Variants in FSTL4 observed in about 807,000 individuals in gnomAD.
FSTL4 encodes follistatin like 4.
FSTL4 carries 28 observed loss-of-function variants against 78.2 expected under a neutral mutation model. The observed-to-expected ratio is 0.36, with a 90% confidence interval of 0.27 to 0.49. FSTL4 has a LOEUF of 0.49. FSTL4 is among the 20% of genes least tolerant of loss of function. The pLI is 0.98. For missense variants in FSTL4, 922 were observed against 1,084.9 expected (o/e 0.85, Z 2.11); for synonymous variants, 422 against 440.5 (o/e 0.96, Z 0.53).
intron 4 of FSTL4, among the ~76,000 whole-genome samples, chr5:133,358,692 C>T (rs924585659): frequency 2.6e-5 from 4 of 151,358 alleles, no homozygotes; most frequent in Non-Finnish European, 4.4e-5. Flanking sequence ...CTCTGCCTCC[C>T]GGATTCAAGC....
chr5:133,272,425 C>T (rs1752787950), intron 6 of FSTL4, among the ~76,000 whole-genome samples: 1 of 152,320 alleles, frequency 6.6e-6, no homozygotes, highest in East Asian at 1.9e-4. Flanking sequence ...GAGGCACGCG[C>T]GTGCAGCGCC....
At chr5:133,283,374 G>A (rs948872309) in intron 6 of FSTL4, among the ~76,000 whole-genome samples, 1 of 152,124 alleles carries the variant, frequency 6.6e-6, no homozygotes, top group Non-Finnish European at 1.5e-5. Flanking sequence ...CAGTGACCTG[G>A]GCCCTGTCTT....
intron 3 of FSTL4, among the ~76,000 whole-genome samples, chr5:133,450,237 A>AAAG (rs61379240): frequency 0.018 from 2,779 of 152,338 alleles, 90 homozygotes; most frequent in African/African-American, 0.062. Flanking sequence ...AGACTTTTAC[A>AAAG]GGCAGACCAG....
intron 6 of FSTL4, among the ~76,000 whole-genome samples, chr5:133,304,176 G>A (rs903287396): frequency 6.6e-6 from 1 of 152,212 alleles, no homozygotes; most frequent in Non-Finnish European, 1.5e-5. Flanking sequence ...AAAACATGGA[G>A]ATTTATGAGG....
At chr5:133,759,584 T>C in the FSTL4 span, among the ~76,000 whole-genome samples, 1 of 152,238 alleles carries the variant, frequency 6.6e-6, no homozygotes, top group African/African-American at 2.4e-5. Flanking sequence ...CTATGTGATA[T>C]ATACAAATAT....
At chr5:133,666,307 C>A in the FSTL4 span, among the ~76,000 whole-genome samples, 2 of 152,064 alleles carry the variant, frequency 1.3e-5, no homozygotes, top group Non-Finnish European at 2.9e-5. Flanking sequence ...GGAACTACCA[C>A]CCCATAGTTA....
the FSTL4 span, among the ~76,000 whole-genome samples, chr5:133,745,630 T>G: frequency 5.3e-5 from 8 of 152,236 alleles, no homozygotes; most frequent in Non-Finnish European, 1.0e-4. Context: ...CAGGTTGCCC[T>G]TTGACCTCTT....
Position 133,465,576 on chromosome 5 carries a change from C to A in FSTL4, c.161-64590G>T, listed in dbSNP as rs558510350. ...TGGGTTCTAGTCCTGGGTGGGTGACCCAGAATCAGTTCTTGCTCTGGGCAG... is the reference window on the plus strand; with the variant it reads ...TGGGTTCTAGTCCTGGGTGGGTGACACAGAATCAGTTCTTGCTCTGGGCAG... On this transcript the variant is annotated intron_variant, in intron 3 of 15. Coordinates refer to ENST00000265342, the MANE Select transcript of FSTL4 (RefSeq NM_015082.2). Among the ~76,000 whole-genome samples, 11 of 152,290 alleles carry A rather than the reference C, an allele frequency of 7.2e-5. No individual in the cohort carries two copies. The East Asian group carries it at 2.1e-3, about 29-fold the overall frequency.
At chr5:133,628,841 T>A in the FSTL4 span, among the ~76,000 whole-genome samples, 1 of 151,942 alleles carries the variant, frequency 6.6e-6, no homozygotes, top group Admixed American at 6.6e-5. Context: ...ATCCTGAGAC[T>A]TTGCTGAAGT....
chr5:133,380,506 T>C (rs957698174), intron 4 of FSTL4, among the ~76,000 whole-genome samples: 2 of 151,958 alleles, frequency 1.3e-5, no homozygotes, highest in Admixed American at 6.6e-5. Context: ...AAGAAAACTA[T>C]ATAAGTAAAG....
intron 4 of FSTL4, among the ~76,000 whole-genome samples, chr5:133,341,390 G>T (rs1195330019): frequency 6.6e-6 from 1 of 152,112 alleles, no homozygotes; most frequent in Non-Finnish European, 1.5e-5. Flanking sequence ...CTTCCCACAG[G>T]ACGTGAGTTG....
At chr5:133,618,594 A>G in the FSTL4 span, among the ~76,000 whole-genome samples, 1 of 152,238 alleles carries the variant, frequency 6.6e-6, no homozygotes, top group African/African-American at 2.4e-5. Context: ...ATTGATTGCT[A>G]ACTATGCCTT....
the FSTL4 span, among the ~76,000 whole-genome samples, chr5:133,646,855 C>T: frequency 6.6e-6 from 1 of 152,006 alleles, no homozygotes; most frequent in Non-Finnish European, 1.5e-5. Context: ...AATCCCTTTA[C>T]ATTTGTTATC....
chr5:133,760,589 G>A, the FSTL4 span, among the ~76,000 whole-genome samples: 48 of 152,130 alleles, frequency 3.2e-4, no homozygotes, highest in African/African-American at 1.1e-3. Flanking sequence ...GCACTCTGTC[G>A]TTTTCCCAAA....
intron 3 of FSTL4, among the ~76,000 whole-genome samples, chr5:133,553,365 T>C (rs1759727191): frequency 6.6e-6 from 1 of 152,168 alleles, no homozygotes; most frequent in African/African-American, 2.4e-5. Context: ...TCAAGGACTG[T>C]CCATTTAGAA....
At chr5:133,310,786 G>A (rs1346370998) in intron 6 of FSTL4, among the ~76,000 whole-genome samples, 1 of 152,202 alleles carries the variant, frequency 6.6e-6, no homozygotes, top group African/African-American at 2.4e-5. Flanking sequence ...TTTTGGGAAT[G>A]TCTTGGAACT....
chr5:133,201,237 C>T (rs1045207535), intron 15 of FSTL4, among the ~76,000 whole-genome samples: 1 of 152,214 alleles, frequency 6.6e-6, no homozygotes, highest in Middle Eastern at 3.2e-3. Flanking sequence ...GGTAAGTTTA[C>T]AGAAGATATT....
At chr5:133,356,831 A>T (rs1006951030) in intron 4 of FSTL4, among the ~76,000 whole-genome samples, 19 of 152,314 alleles carry the variant, frequency 1.2e-4, no homozygotes, top group Admixed American at 2.0e-4. Flanking sequence ...CAGGACTTTT[A>T]TGGGGACAAT....
the FSTL4 span, among the ~76,000 whole-genome samples, chr5:133,759,762 A>G: frequency 2.6e-5 from 4 of 152,336 alleles, no homozygotes; most frequent in East Asian, 7.7e-4. Flanking sequence ...TCTACTTAAC[A>G]TTGTTGGATG....
Sources: gnomAD v4.1 joint callset for allele counts (sites outside exome capture counted in the v4.1 genomes callset) on GRCh38, gnomAD v4.1.1 for gene constraint, MANE v1.5 for transcripts, NCBI Gene and HGNC (gene_info 2026-07-23, HGNC 2026-07-21) for gene names.